NR1D1: variants seen among roughly 807,000 people sequenced by gnomAD.
NR1D1 encodes nuclear receptor subfamily 1 group D member 1.
Under a neutral mutation model 51.1 loss-of-function variants are expected in NR1D1, and 17 were observed. That is an observed-to-expected ratio of 0.33 (90% CI 0.23 to 0.50). The LOEUF (loss-of-function observed/expected upper bound fraction) is 0.50. NR1D1 is among the 20% of genes least tolerant of loss of function. The pLI is 0.98. For synonymous variants in NR1D1, 341 were observed against 333.4 expected (o/e 1.02, Z -0.25); for missense variants, 647 against 830.4 (o/e 0.78, Z 2.71).
chr17:40,099,677 G>A (rs1423412192), intron 1 of NR1D1, among the ~76,000 whole-genome samples: 1 of 152,152 alleles, frequency 6.6e-6, no homozygotes, highest in East Asian at 1.9e-4. Flanking sequence ...AAGACAAGAG[G>A]GGAGGGGGTC....
Position 40,093,170 on chromosome 17 carries a change from G to A in NR1D1, c.1758C>T (p.Thr586=), listed in dbSNP as rs201460214. 6.2e-6 allele frequency: 10 copies of A among 1,614,022 alleles called. No individual in the cohort carries two copies. The highest frequency in any genetic ancestry group is 7.6e-6 in the Non-Finnish European group (9 of 1,180,012). Reference sequence around the variant, plus strand: ...GGTCCGGCAGCTTGAGCAGCAGCTTGGTGAAGCGGGAAGTCTCCAAGGGCC... The same window carrying A: ...GGTCCGGCAGCTTGAGCAGCAGCTTAGTGAAGCGGGAAGTCTCCAAGGGCC... ...KNRPLETSRF[T]KLLLKLPDLR... The change falls in exon 8 of 8, where the codon ACC becomes ACT. Residue 586 remains threonine, a synonymous_variant. Transcript: ENST00000246672. The surrounding 1 kb of genome is among the most constrained non-coding windows in gnomAD (Gnocchi z 5.9).
In NR1D1 at chr17:40,093,936, T is replaced by A. The variant is rs1169910258; in HGVS notation, c.1621A>T (p.Thr541Ser). ...CCTGCAGAGACAAGCACCACCGCGG[T>A]GAAGAGGCCCAGCTCCTCCTCGGTA... ...ALTEEELGLF[T>S]AVVLVSADRS... The change falls in exon 7 of 8, where the codon ACC becomes TCC. Residue 541 changes from threonine (T) to serine (S), a missense_variant. By Grantham distance (58) the Thr-to-Ser change is moderately conservative. Coordinates refer to ENST00000246672, the MANE Select transcript of NR1D1 (RefSeq NM_021724.5). The surrounding 1 kb of genome is among the most constrained non-coding windows in gnomAD (Gnocchi z 5.9). The A allele has an allele frequency of 6.2e-7, 1 of 1,613,352 alleles. No individual in the cohort carries two copies. Among genetic ancestry groups the A allele is most frequent in the Non-Finnish European group, 8.5e-7 (1 of 1,180,010 alleles).
chr17:40,096,689 A>C lies in NR1D1; in HGVS notation c.459+2T>G, dbSNP rs1271738637. The stretch of plus-strand genomic sequence containing the variant: ...CCTGCCCTTACCCCCAGTCCGCCTC[A>C]CCTTGCAGCCCTCGCAGGCGTGCAC... On this transcript the variant is annotated splice_donor_variant, in intron 3 of 7. Coordinates refer to ENST00000246672, the MANE Select transcript of NR1D1 (RefSeq NM_021724.5). LOFTEE classifies it high-confidence loss of function. The C allele has an allele frequency of 6.2e-7, 1 of 1,613,986 alleles. No homozygotes were observed. The highest frequency in any genetic ancestry group is 8.5e-7 in the Non-Finnish European group (1 of 1,180,014).
At position 40,092,984 on chromosome 17, in the gene NR1D1, A is replaced by C; in HGVS notation, c.*99T>G. The stretch of plus-strand genomic sequence containing the variant: ...GGAATATTTTATAACAATATAAATA[A>C]GATTCTGGTTTGCTTTTCCTTTTCG... On this transcript the variant is annotated 3_prime_UTR_variant, in exon 8 of 8. Coordinates refer to ENST00000246672, the MANE Select transcript of NR1D1 (RefSeq NM_021724.5). The C allele has an allele frequency of 1.3e-6, 2 of 1,594,410 alleles. No homozygotes were observed. The highest frequency in any genetic ancestry group is 1.7e-4 in the Middle Eastern group (1 of 5,880).
chr17:40,096,492 G>GC lies in NR1D1; in HGVS notation c.554dup (p.Cys185TrpfsTer35). On this transcript the variant is annotated frameshift_variant, in exon 4 of 8. Coordinates refer to ENST00000246672, the MANE Select transcript of NR1D1 (RefSeq NM_021724.5). LOFTEE classifies it high-confidence loss of function. ...GACACTTCTTGAAGCGACATTGCTGGCAGCGGTTGCGATTGATGCGGACGA... is the reference window on the plus strand; with the variant it reads ...GACACTTCTTGAAGCGACATTGCTGGCCAGCGGTTGCGATTGATGCGGACGA... The GC allele has an allele frequency of 6.2e-7, 1 of 1,614,240 alleles. No individual in the cohort carries two copies. The highest frequency in any genetic ancestry group is 8.5e-7 in the Non-Finnish European group (1 of 1,180,044).
At position 40,093,067 on chromosome 17, in the gene NR1D1, A is replaced by C. The variant is rs1598401208; in HGVS notation, c.*16T>G. 1 of 1,614,146 alleles carries C rather than the reference A, an allele frequency of 6.2e-7. No homozygotes were observed. The highest frequency in any genetic ancestry group is 8.5e-7 in the Non-Finnish European group (1 of 1,180,042). The stretch of plus-strand genomic sequence containing the variant: ...TTCTGTACAAGGGGGCAGCGGCAGA[A>C]GGCCGGCCGGGCGGGTCACTGGGCG... On this transcript the variant is annotated 3_prime_UTR_variant, in exon 8 of 8. Coordinates refer to ENST00000246672, the MANE Select transcript of NR1D1 (RefSeq NM_021724.5). The surrounding 1 kb of genome is among the most constrained non-coding windows in gnomAD (Gnocchi z 5.9).
rs1215871037 is a variant in NR1D1 at position 40,093,639 on chromosome 17, G to A, written c.1645+273C>T. On this transcript the variant is annotated intron_variant, in intron 7 of 7. Transcript: ENST00000246672. This position sits in a 1 kb window ranked among gnomAD's most constrained non-coding sequence, Gnocchi z 5.9. ...TGGCAACATCTTACTTGTCCTTTGA[G>A]GCCCCAACTCAAGTGTCACCTCCTT... The A allele has an allele frequency of 3.0e-6, 2 of 667,722 alleles. No homozygotes were observed. The highest frequency in any genetic ancestry group is 2.7e-5 in the East Asian group (1 of 36,624). 41.4% of individuals were successfully genotyped at this position (667,722 alleles called of 1,614,324 possible).
At position 40,093,853 on chromosome 17, in the gene NR1D1, G is replaced by A. The variant is rs893843683; in HGVS notation, c.1645+59C>T. 3 of 1,478,946 alleles carry A rather than the reference G, an allele frequency of 2.0e-6. No individual in the cohort carries two copies. The highest frequency in any genetic ancestry group is 2.1e-4 in the Middle Eastern group (1 of 4,822). The allele number at this position is 1,478,946 out of a possible 1,614,324, so 91.6% of individuals were successfully genotyped here. Reference sequence around the variant, plus strand: ...GCATAGAGTAGGTACTCCATAAAAGGTGTGTTGAATTGAACTGCGTCTGCC... The same window carrying A: ...GCATAGAGTAGGTACTCCATAAAAGATGTGTTGAATTGAACTGCGTCTGCC... On this transcript the variant is annotated intron_variant, in intron 7 of 7. Transcript: ENST00000246672. This position sits in a 1 kb window ranked among gnomAD's most constrained non-coding sequence, Gnocchi z 5.9.
In NR1D1 at chr17:40,100,197, G is replaced by A; in HGVS notation, c.-103C>T. On this transcript the variant is annotated 5_prime_UTR_variant, in exon 1 of 8. Transcript: ENST00000246672. ...TGGGCACTGGCTAAGGGCGGGGAGTGGACCCCGCGACTCACGATCAGGATC... is the reference window on the plus strand; with the variant it reads ...TGGGCACTGGCTAAGGGCGGGGAGTAGACCCCGCGACTCACGATCAGGATC... 1 of 892,886 alleles carries A rather than the reference G, an allele frequency of 1.1e-6. No homozygotes were observed. The highest frequency in any genetic ancestry group is 1.9e-6 in the Non-Finnish European group (1 of 529,694). 55.3% of individuals were successfully genotyped at this position (892,886 alleles called of 1,614,324 possible). A position where few individuals can be genotyped will look rare whatever the true frequency, so the allele number is the denominator to read the frequency against.
intron 5 of NR1D1, 104 bp downstream of exon 5, chr17:40,095,340 T>TC (rs1987730600): frequency 7.2e-7 from 1 of 1,390,542 alleles, no homozygotes; most frequent in East Asian, 2.4e-5. Context: ...GAAGATGCTA[T>TC]CCCCACACTC....
At position 40,097,147 on chromosome 17, in the gene NR1D1, A is replaced by AG; in HGVS notation, c.287_288insC (p.Gly97TrpfsTer37). 1 of 1,611,606 alleles carries AG rather than the reference A, an allele frequency of 6.2e-7. No individual in the cohort carries two copies. The highest frequency in any genetic ancestry group is 8.5e-7 in the Non-Finnish European group (1 of 1,178,658). ...CTTGTAGACTCCCAGGGGGGCTCCC[A>AG]TTATAGAAGGAGGAGGAGGATGACG... On this transcript the variant is annotated frameshift_variant, in exon 2 of 8. Coordinates refer to ENST00000246672, the MANE Select transcript of NR1D1 (RefSeq NM_021724.5). LOFTEE classifies it high-confidence loss of function.
Position 40,095,429 on chromosome 17 carries a change from C to T in NR1D1, c.1248+15G>A. 1 of 1,517,074 alleles carries T rather than the reference C, an allele frequency of 6.6e-7. No individual in the cohort carries two copies. The highest frequency in any genetic ancestry group is 8.8e-7 in the Non-Finnish European group (1 of 1,133,420). The allele number at this position is 1,517,074 out of a possible 1,614,324, so 94.0% of individuals were successfully genotyped here. On this transcript the variant is annotated intron_variant, in intron 5 of 7. Transcript: ENST00000246672. ...CCAATCTTCTTAACGCACTCGCCCG[C>T]CCCCATGCCCTTACCAGCAGAACAT...
At position 40,097,056 on chromosome 17, in the gene NR1D1, G is replaced by A. The variant is rs751346277; in HGVS notation, c.370+9C>T. On this transcript the variant is annotated intron_variant, in intron 2 of 7. Transcript: ENST00000246672. Reference sequence around the variant, plus strand: ...TCCCTTCCCCCGAATCAGCTGGAAAGGTACTCACTGGTGATGTTGCTGGTG... The same window carrying A: ...TCCCTTCCCCCGAATCAGCTGGAAAAGTACTCACTGGTGATGTTGCTGGTG... 1.3e-6 allele frequency: 2 copies of A among 1,581,240 alleles called. No individual in the cohort carries two copies. Among genetic ancestry groups the A allele is most frequent in the South Asian group, 2.3e-5 (2 of 85,994 alleles).
intron 4 of NR1D1, 74 bp from the exon 5 acceptor site, chr17:40,096,161 A>C: frequency 7.1e-6 from 11 of 1,553,454 alleles, no homozygotes; most frequent in Non-Finnish European, 9.6e-6. Context: ...CTTCCTCCTG[A>C]AAGGGCAAGG....
chr17:40,096,553 TG>T lies in NR1D1; in HGVS notation c.493del (p.Gln165SerfsTer6). On this transcript the variant is annotated frameshift_variant, in exon 4 of 8. Transcript: ENST00000246672. LOFTEE classifies it high-confidence loss of function. ...CTCATTCTTCAGACACCTTTTGTAC[TG>T]GATGTTCTGCTGGATGCTCCGACGG... ...FFRRSIQQNIQYKRCLKNENC... is the reference protein window; with the variant it reads ...FFRRSIQQNIXYKRCLKNENC... The T allele has an allele frequency of 6.2e-7, 1 of 1,614,154 alleles. No homozygotes were observed. The highest frequency in any genetic ancestry group is 8.5e-7 in the Non-Finnish European group (1 of 1,180,002).
In NR1D1 at chr17:40,093,080, G is replaced by A. The variant is rs1232561745; in HGVS notation, c.*3C>T. On this transcript the variant is annotated 3_prime_UTR_variant, in exon 8 of 8. Coordinates refer to ENST00000246672, the MANE Select transcript of NR1D1 (RefSeq NM_021724.5). The surrounding 1 kb of genome is among the most constrained non-coding windows in gnomAD (Gnocchi z 5.9). ...GGCAGCGGCAGAAGGCCGGCCGGGC[G>A]GGTCACTGGGCGTCCACCCGGAAGG... 8 of 1,613,998 alleles carry A rather than the reference G, an allele frequency of 5.0e-6. No individual in the cohort carries two copies. Among genetic ancestry groups the A allele is most frequent in the Non-Finnish European group, 4.2e-6 (5 of 1,180,038 alleles).
Position 40,094,134 on chromosome 17 carries a change from G to A in NR1D1, c.1435-12C>T. ...CGCACCATCAGCACCTAGGAGGGAA[G>A]GGGAACAGTCATCCTGGGTGTGGTG... On this transcript the variant is annotated splice_polypyrimidine_tract_variant and intron_variant, in intron 6 of 7. Coordinates refer to ENST00000246672, the MANE Select transcript of NR1D1 (RefSeq NM_021724.5). 1 of 1,613,238 alleles carries A rather than the reference G, an allele frequency of 6.2e-7. No individual in the cohort carries two copies. Among genetic ancestry groups the A allele is most frequent in the Non-Finnish European group, 8.5e-7 (1 of 1,179,478 alleles).
In NR1D1 at chr17:40,095,562, C is replaced by T. The variant is rs752121555; in HGVS notation, c.1130G>A (p.Ser377Asn). The T allele has an allele frequency of 6.2e-7, 1 of 1,609,070 alleles. No homozygotes were observed. Among genetic ancestry groups the T allele is most frequent in the Non-Finnish European group, 8.5e-7 (1 of 1,177,180 alleles). The change falls in exon 5 of 8, where the codon AGC becomes AAC. Residue 377 changes from serine to asparagine, a missense_variant. Transcript: ENST00000246672. Reference protein sequence around the residue: ...PTWPPGPAHHSCHQSNSNGHR... With the variant: ...PTWPPGPAHHNCHQSNSNGHR... ...CCCGTTGCTGTTGGACTGGTGGCAG[C>T]TGTGGTGTGCAGGGCCAGGAGGCCA...
chr17:40,096,644 G>C (rs1322746552), intron 3 of NR1D1, 47 bp downstream of exon 3: 2 of 1,613,642 alleles, frequency 1.2e-6, no homozygotes, highest in Non-Finnish European at 1.7e-6. Flanking sequence ...TCTGTGTCCA[G>C]GGGGAGGGGG....
Sources: allele counts gnomAD v4.1 joint callset (sites outside exome capture counted in the v4.1 genomes callset), GRCh38; gene constraint gnomAD v4.1.1; non-coding constraint Gnocchi (gnomAD v3.1); transcripts MANE v1.5; gene names NCBI Gene and HGNC (gene_info 2026-07-23, HGNC 2026-07-21).